Variants in RUVBL1 observed in about 807,000 individuals in gnomAD.
RUVBL1 encodes the protein RuvB like AAA ATPase 1, also known as ruvB-like 1.
A neutral mutation model predicts 52.4 loss-of-function variants in RUVBL1; 4 were observed. That is an observed-to-expected ratio of 0.08 (90% CI 0.04 to 0.17). The LOEUF (loss-of-function observed/expected upper bound fraction) is 0.17. RUVBL1 is among the 10% of genes least tolerant of loss of function. The pLI, the probability that RUVBL1 is intolerant of heterozygous loss-of-function variation, is 1.00. For synonymous variants in RUVBL1, 217 were observed against 214.4 expected, an observed-to-expected ratio of 1.01 and a Z score of -0.10; for missense variants, 298 against 572.8, an observed-to-expected ratio of 0.52 and a Z score of 4.90.
At chr3:128,101,786 T>C (rs1226681468) in intron 4 of RUVBL1, 138 bp from the exon 5 acceptor site, 3 of 784,846 alleles carry the variant, frequency 3.8e-6, no homozygotes, top group Non-Finnish European at 2.1e-6. Context: ...GCATGAATAC[T>C]GGGACCTGCA....
intron 1 of RUVBL1, among the ~76,000 whole-genome samples, chr3:128,149,234 G>C (rs1269369158): frequency 2.0e-5 from 3 of 148,416 alleles, no homozygotes; most frequent in East Asian, 2.0e-4. Flanking sequence ...GCCCAGGCTG[G>C]AGTGCAGTGG....
chr3:128,115,808 A>G (rs1025508831), intron 2 of RUVBL1, among the ~76,000 whole-genome samples: 3 of 152,208 alleles, frequency 2.0e-5, no homozygotes, highest in African/African-American at 7.2e-5. Context: ...TCAGCAAGGT[A>G]TAGCACTTAA....
intron 3 of RUVBL1, among the ~76,000 whole-genome samples, chr3:128,112,357 G>A (rs1216937141): frequency 6.6e-6 from 1 of 152,208 alleles, no homozygotes; most frequent in Non-Finnish European, 1.5e-5. Context: ...CCCCTCAGAG[G>A]AGGGAAGGCC....
intron 8 of RUVBL1, among the ~76,000 whole-genome samples, chr3:128,091,529 T>C (rs1439871293): frequency 1.3e-5 from 2 of 152,226 alleles, no homozygotes; most frequent in Non-Finnish European, 1.5e-5. Context: ...AGATAGACAG[T>C]TTGGAGCTAT....
chr3:128,135,595 C>T (rs1244421800), intron 1 of RUVBL1, among the ~76,000 whole-genome samples: 1 of 151,984 alleles, frequency 6.6e-6, no homozygotes, highest in Non-Finnish European at 1.5e-5. Flanking sequence ...GATAGCATAC[C>T]CAGCAAAAAT....
chr3:128,152,553 A>G (rs958651548), intron 1 of RUVBL1, among the ~76,000 whole-genome samples: 2 of 152,032 alleles, frequency 1.3e-5, no homozygotes, highest in African/African-American at 4.8e-5. Context: ...GTATTGTTTG[A>G]CTTAGCCCTC....
chr3:128,153,702 GTCGTCTTT>G, exon 1 of RUVBL1: 1 of 1,588,558 alleles, frequency 6.3e-7, no homozygotes, highest in Non-Finnish European at 8.5e-7. Context: ...CGCGCCTGCG[GTCGTCTTT>G]GCCCGAGTTC....
intron 6 of RUVBL1, among the ~76,000 whole-genome samples, chr3:128,099,664 G>T (rs150821098): frequency 6.6e-6 from 1 of 152,278 alleles, no homozygotes; most frequent in African/African-American, 2.4e-5. Context: ...TCAGCATTTA[G>T]TGATCACCTG....
intron 1 of RUVBL1, among the ~76,000 whole-genome samples, chr3:128,150,897 TATATA>T (rs1312331547): frequency 8.1e-4 from 71 of 87,566 alleles, no homozygotes; most frequent in East Asian, 5.2e-3. Context: ...ATATTCTATA[TATATA>T]ATATAATATT....
Position 128,082,693 on chromosome 3 carries a change from C to A in RUVBL1, c.1120-119G>T. ...TGTGCAGCATAAGAGAAACTGAGAC[C>A]TGGGTTGGTGGGCAGGGAGCCAACG... On this transcript the variant is annotated intron_variant, in intron 9 of 10. Transcript: ENST00000322623. This position sits in a 1 kb window ranked among gnomAD's most constrained non-coding sequence, Gnocchi z 4.7. 1 of 854,626 alleles carries A rather than the reference C, an allele frequency of 1.2e-6. No individual in the cohort carries two copies. Among genetic ancestry groups the A allele is most frequent in the South Asian group, 1.8e-5 (1 of 56,634 alleles). The allele number at this position is 854,626 out of a possible 1,614,324, so 52.9% of individuals were successfully genotyped here. A position where few individuals can be genotyped will look rare whatever the true frequency, so the allele number is the denominator to read the frequency against.
Position 128,123,644 on chromosome 3 carries a change from G to C in RUVBL1, c.81C>G (p.Asp27Glu), listed in dbSNP as rs755169544. Residue 27 changes from aspartate to glutamate, a missense_variant, in exon 1 of 11, where the codon GAC (aspartate) becomes GAG (glutamate). Asp to Glu is a conservative substitution (Grantham distance 45, BLOSUM62 2). This residue lies in a region of RUVBL1 where 71 missense variants were observed against 125.7 expected (regional missense o/e 0.57). Transcript: ENST00000322623. ...SHSHVKGLGL[D>E]ESGLAKQAAS... is the part of the protein sequence containing the mutation. ...CCGCCTGCTTGGCCAAGCCGCTCTC[G>C]TCCAGCCCCAGCCCTTTCACGTGGC... The C allele has an allele frequency of 6.2e-7, 1 of 1,612,384 alleles. No homozygotes were observed. The highest frequency in any genetic ancestry group is 1.1e-5 in the South Asian group (1 of 91,080).
intron 2 of RUVBL1, among the ~76,000 whole-genome samples, chr3:128,114,229 T>TG (rs1943463913): frequency 6.6e-6 from 1 of 152,198 alleles, no homozygotes; most frequent in Non-Finnish European, 1.5e-5. Flanking sequence ...CCCAGGTATA[T>TG]GGGCTAAGAC....
chr3:128,082,412 G>A lies in RUVBL1; in HGVS notation c.1211+71C>T. 1.7e-6 allele frequency: 2 copies of A among 1,162,088 alleles called. No individual in the cohort carries two copies. The highest frequency in any genetic ancestry group is 2.6e-6 in the Non-Finnish European group (2 of 772,054). The allele number at this position is 1,162,088 out of a possible 1,614,324, so 72.0% of individuals were successfully genotyped here. The stretch of plus-strand genomic sequence containing the variant: ...CCCTAGGAAGGGACCTGCCTTTATT[G>A]TCCAGAATGACCCCAGCGAGGGCCC... On this transcript the variant is annotated intron_variant, in intron 10 of 10. Transcript: ENST00000322623. The surrounding 1 kb of genome is among the most constrained non-coding windows in gnomAD (Gnocchi z 4.7).
chr3:128,069,291 T>C (rs1576427598), intron 9 of RUVBL1, among the ~76,000 whole-genome samples: 1 of 152,346 alleles, frequency 6.6e-6, no homozygotes, highest in East Asian at 1.9e-4. Context: ...GTGTGGCCAG[T>C]GTGGCCACTG....
intron 8 of RUVBL1, among the ~76,000 whole-genome samples, chr3:128,089,173 T>C (rs1255581044): frequency 1.3e-5 from 2 of 152,266 alleles, no homozygotes; most frequent in African/African-American, 4.8e-5. Context: ...TTTTACTTCT[T>C]TTTGAGAAGG....
chr3:128,105,012 C>G (rs1306180875), intron 3 of RUVBL1, 88 bp from the exon 4 acceptor site: 2 of 1,412,016 alleles, frequency 1.4e-6, no homozygotes, highest in Non-Finnish European at 1.9e-6. Context: ...ACCAGAACTG[C>G]CAAATCAACC....
chr3:128,075,571 C>T (rs1200874831), intron 9 of RUVBL1, among the ~76,000 whole-genome samples: 6 of 152,052 alleles, frequency 3.9e-5, no homozygotes, highest in Admixed American at 3.9e-4. Flanking sequence ...CCTGCCGGGA[C>T]TTCAACCTCG....
intron 1 of RUVBL1, among the ~76,000 whole-genome samples, chr3:128,143,916 G>A (rs1268360330): frequency 1.3e-5 from 2 of 152,286 alleles, no homozygotes; most frequent in South Asian, 2.1e-4. Context: ...GACCACTACC[G>A]ACCACAATGA....
At chr3:128,144,517 T>C (rs948305929) in intron 1 of RUVBL1, among the ~76,000 whole-genome samples, 1 of 152,088 alleles carries the variant, frequency 6.6e-6, no homozygotes, top group African/African-American at 2.4e-5. Flanking sequence ...TGTGGAACTG[T>C]AGGGGGCCCA....
Sources: allele counts gnomAD v4.1 joint callset (sites outside exome capture counted in the v4.1 genomes callset), GRCh38; gene constraint gnomAD v4.1.1; regional missense constraint gnomAD v4.1.1; non-coding constraint Gnocchi (gnomAD v3.1); transcripts MANE v1.5; gene names NCBI Gene and HGNC (gene_info 2026-07-23, HGNC 2026-07-21).